ANKHD1: variants seen among roughly 807,000 people sequenced by gnomAD.
ANKHD1 encodes the protein ankyrin repeat and KH domain containing 1, also known as ankyrin repeat and KH domain-containing protein 1.
In ANKHD1, 31 loss-of-function variants were observed where a neutral mutation model predicts 230.5. The observed-to-expected ratio is 0.13, with a 90% confidence interval of 0.10 to 0.18. The LOEUF (loss-of-function observed/expected upper bound fraction) is 0.18, where lower values mean the gene tolerates loss of function less well. ANKHD1 is among the 10% of genes least tolerant of loss of function. The pLI, the probability that ANKHD1 is intolerant of heterozygous loss-of-function variation, is 1.00. For synonymous variants in ANKHD1, 1,074 were observed against 1,117.6 expected (o/e 0.96, Z 0.78); for missense variants, 2,256 against 3,071.3 (o/e 0.73, Z 6.27).
At chr5:140,526,558 A>T in intron 26 of ANKHD1, 115 bp downstream of exon 26, 1 of 1,310,984 alleles carries the variant, frequency 7.6e-7, no homozygotes, top group Non-Finnish European at 1.0e-6. Flanking sequence ...GAAGTCTACC[A>T]CATTATCTAT....
At chr5:140,491,955 T>TTA (rs1161610708) in intron 14 of ANKHD1, among the ~76,000 whole-genome samples, 1 of 152,170 alleles carries the variant, frequency 6.6e-6, no homozygotes, top group African/African-American at 2.4e-5. Flanking sequence ...ATTAAAGAGA[T>TTA]GTTTTAAAAA....
intron 7 of ANKHD1, among the ~76,000 whole-genome samples, chr5:140,453,131 A>AAATG (rs1264292713): frequency 3.3e-5 from 5 of 152,238 alleles, no homozygotes; most frequent in African/African-American, 1.2e-4. Context: ...ATTGAAGATC[A>AAATG]AATGAATGAA....
chr5:140,516,436 A>T (rs997538235), intron 24 of ANKHD1, among the ~76,000 whole-genome samples: 4 of 152,196 alleles, frequency 2.6e-5, no homozygotes, highest in African/African-American at 9.6e-5. Flanking sequence ...TTCAGGAAAT[A>T]CAGAGAACGC....
chr5:140,436,815 A>C (rs1378459217), intron 2 of ANKHD1, among the ~76,000 whole-genome samples: 2 of 152,132 alleles, frequency 1.3e-5, no homozygotes, highest in Non-Finnish European at 2.9e-5. Context: ...ATAAAATAAA[A>C]ATGTGGGAGA....
intron 9 of ANKHD1, among the ~76,000 whole-genome samples, chr5:140,461,546 T>C (rs910683470): frequency 2.6e-5 from 4 of 152,160 alleles, no homozygotes; most frequent in Non-Finnish European, 4.4e-5. Context: ...ATACAGAGAA[T>C]GTAGTATTTG....
chr5:140,515,486 C>T (rs540712830), intron 24 of ANKHD1, among the ~76,000 whole-genome samples: 5 of 152,258 alleles, frequency 3.3e-5, no homozygotes, highest in East Asian at 1.9e-4. Flanking sequence ...GGAGCAGCTC[C>T]GGTCTACAGC....
intron 7 of ANKHD1, 111 bp from the exon 8 acceptor site, chr5:140,458,514 T>A: frequency 8.9e-7 from 1 of 1,128,326 alleles, no homozygotes; most frequent in Non-Finnish European, 1.2e-6. Flanking sequence ...AATCTTCTAA[T>A]CTTGTCTTTT....
At chr5:140,533,482 G>A (rs1240969824) in intron 29 of ANKHD1, among the ~76,000 whole-genome samples, 1 of 151,930 alleles carries the variant, frequency 6.6e-6, no homozygotes, top group African/African-American at 2.4e-5. Context: ...ACCTGTGGTC[G>A]CAGCTACTTG....
Position 140,497,266 on chromosome 5 carries a change from G to T in ANKHD1, c.2992G>T (p.Asp998Tyr). Reference sequence around the variant, plus strand: ...TCAGACGCTTACCGACACTCTTGATGACCTGATAGCAGGTGGGTTAAGAAA... The same window carrying T: ...TCAGACGCTTACCGACACTCTTGATTACCTGATAGCAGGTGGGTTAAGAAA... ...PAQTLTDTLD[D>Y]LIAAVSTRVP... The change falls in exon 15 of 34, where the codon GAC (aspartate) becomes TAC (tyrosine). Residue 998 changes from aspartate to tyrosine, a missense_variant. Coordinates refer to ENST00000360839, the MANE Select transcript of ANKHD1 (RefSeq NM_017747.3). 6.2e-7 allele frequency: 1 copy of T among 1,603,096 alleles called. No individual in the cohort carries two copies. The highest frequency in any genetic ancestry group is 1.1e-5 in the South Asian group (1 of 90,980).
At chr5:140,525,353 C>T (rs976653353) in intron 25 of ANKHD1, among the ~76,000 whole-genome samples, 1 of 152,006 alleles carries the variant, frequency 6.6e-6, no homozygotes, top group East Asian at 2.0e-4. Flanking sequence ...ACCTCTGCCC[C>T]CCAGGTTCAG....
At chr5:140,513,558 C>G (rs1448744149) in intron 24 of ANKHD1, 79 bp downstream of exon 24, 3 of 1,440,542 alleles carry the variant, frequency 2.1e-6, no homozygotes, top group African/African-American at 2.8e-5. Context: ...CCTATGATCC[C>G]AGCACTTCAG....
At chr5:140,404,123 G>A (rs185836942) in intron 1 of ANKHD1, among the ~76,000 whole-genome samples, 2 of 152,272 alleles carry the variant, frequency 1.3e-5, no homozygotes, top group Admixed American at 1.3e-4. Context: ...AGGCAGTTAT[G>A]GGGAGAGACT....
intron 1 of ANKHD1, among the ~76,000 whole-genome samples, chr5:140,413,173 T>G (rs1349247849): frequency 2.0e-5 from 3 of 152,182 alleles, no homozygotes; most frequent in Admixed American, 6.6e-5. Context: ...CAAGGTAAGT[T>G]TGATGTGTTT....
intron 7 of ANKHD1, among the ~76,000 whole-genome samples, chr5:140,453,797 TGCATCAACTAACAA>T (rs1774940562): frequency 6.6e-6 from 1 of 152,140 alleles, no homozygotes; most frequent in Non-Finnish European, 1.5e-5. Context: ...AGGAAGAAAC[TGCATCAACTAACAA>T]GCAAAATAAC....
At chr5:140,513,281 C>A in intron 23 of ANKHD1, 82 bp from the exon 24 acceptor site, 1 of 1,373,054 alleles carries the variant, frequency 7.3e-7, no homozygotes, top group Non-Finnish European at 9.9e-7. Context: ...ACTTTAACCT[C>A]TGGACTTTAA....
chr5:140,459,435 G>A (rs190220749), intron 9 of ANKHD1, 80 bp downstream of exon 9: 114 of 1,418,290 alleles, frequency 8.0e-5, no homozygotes, highest in Admixed American at 1.2e-4. Context: ...AAAACGTTGA[G>A]CTCCTAGTAG....
chr5:140,525,197 A>G (rs909593640), intron 25 of ANKHD1, among the ~76,000 whole-genome samples: 10 of 152,164 alleles, frequency 6.6e-5, no homozygotes, highest in African/African-American at 2.2e-4. Context: ...ACAAGAAAAT[A>G]TATTTTATAT....
chr5:140,418,003 C>A (rs1250348291), intron 1 of ANKHD1, among the ~76,000 whole-genome samples: 1 of 151,474 alleles, frequency 6.6e-6, no homozygotes, highest in Admixed American at 6.6e-5. Flanking sequence ...CCACGCCCGG[C>A]TAGTTTTTTT....
At chr5:140,502,555 A>C (rs1050055720) in intron 15 of ANKHD1, among the ~76,000 whole-genome samples, 1 of 152,238 alleles carries the variant, frequency 6.6e-6, no homozygotes, top group African/African-American at 2.4e-5. Flanking sequence ...CATAAATAAA[A>C]TACTGATAGA....
Sources: gnomAD v4.1 joint callset for allele counts (sites outside exome capture counted in the v4.1 genomes callset) on GRCh38, gnomAD v4.1.1 for gene constraint, MANE v1.5 for transcripts, NCBI Gene and HGNC (gene_info 2026-07-23, HGNC 2026-07-21) for gene names.